SGCD: variants seen among roughly 807,000 people sequenced by gnomAD.
SGCD encodes delta-sarcoglycan.
A neutral mutation model predicts 36.6 loss-of-function variants in SGCD; 18 were observed. The observed-to-expected ratio is 0.49, with a 90% confidence interval of 0.34 to 0.73. The LOEUF is 0.73. Among genes scored for constraint, SGCD ranks in the 30% least tolerant of loss-of-function variants. SGCD has a pLI of 0.01. For synonymous variants in SGCD, 133 were observed against 130.6 expected (o/e 1.02, Z -0.12); for missense variants, 387 against 346.7 (o/e 1.12, Z -0.92).
At chr5:156,715,560 G>A (rs1755182696) in intron 7 of SGCD, among the ~76,000 whole-genome samples, 1 of 152,182 alleles carries the variant, frequency 6.6e-6, no homozygotes, top group African/African-American at 2.4e-5. Context: ...ACTTGGAGCT[G>A]CTATGAGTTT....
intron 4 of SGCD, among the ~76,000 whole-genome samples, chr5:156,562,915 A>G (rs1255753317): frequency 6.6e-6 from 1 of 151,958 alleles, no homozygotes; most frequent in Non-Finnish European, 1.5e-5. Context: ...GGATTATAGT[A>G]ACAATATTTA....
chr5:156,611,179 G>A (rs1325043393), intron 6 of SGCD, among the ~76,000 whole-genome samples: 1 of 152,160 alleles, frequency 6.6e-6, no homozygotes, highest in East Asian at 1.9e-4. Context: ...CAGCCATCTT[G>A]GCTCCTCCCC....
At chr5:156,171,756 A>G (rs1480856727) in intron 3 of SGCD, among the ~76,000 whole-genome samples, 1 of 152,182 alleles carries the variant, frequency 6.6e-6, no homozygotes, top group Non-Finnish European at 1.5e-5. Flanking sequence ...TGGGGATGAT[A>G]CTGAGGGGAA....
chr5:156,319,454 A>T (rs1039541719), intron 3 of SGCD, among the ~76,000 whole-genome samples: 2 of 152,200 alleles, frequency 1.3e-5, no homozygotes, highest in Non-Finnish European at 2.9e-5. Flanking sequence ...TAATAGCCTT[A>T]TCTATTTACA....
chr5:156,151,531 T>C (rs1403966920), intron 3 of SGCD, among the ~76,000 whole-genome samples: 1 of 151,570 alleles, frequency 6.6e-6, no homozygotes, highest in African/African-American at 2.4e-5. Context: ...CAGATGAAAG[T>C]ATCTCCAAAT....
At chr5:156,562,030 T>G (rs1759285147) in intron 4 of SGCD, among the ~76,000 whole-genome samples, 2 of 152,214 alleles carry the variant, frequency 1.3e-5, no homozygotes, top group African/African-American at 4.8e-5. Context: ...TCTTCATATA[T>G]TCTTTTATTA....
At chr5:156,700,259 C>T (rs1329630653) in intron 7 of SGCD, among the ~76,000 whole-genome samples, 3 of 152,188 alleles carry the variant, frequency 2.0e-5, no homozygotes, top group South Asian at 2.1e-4. Flanking sequence ...AACATGTCTT[C>T]GGTCTGTTCT....
chr5:156,376,424 C>T (rs1407986238), intron 3 of SGCD, among the ~76,000 whole-genome samples: 1 of 152,162 alleles, frequency 6.6e-6, no homozygotes, highest in African/African-American at 2.4e-5. Flanking sequence ...GTAGCAGCTT[C>T]AAAATATGAA....
chr5:155,947,885 G>A (rs1009954367), intron 1 of SGCD, among the ~76,000 whole-genome samples: 3 of 152,036 alleles, frequency 2.0e-5, no homozygotes, highest in African/African-American at 7.2e-5. Flanking sequence ...ATGAACTTGC[G>A]TAAGACACAA....
chr5:156,525,005 C>T (rs933280641), intron 4 of SGCD, among the ~76,000 whole-genome samples: 1 of 152,108 alleles, frequency 6.6e-6, no homozygotes, highest in Admixed American at 6.6e-5. Flanking sequence ...CATATCTTGG[C>T]TATTGTGAAT....
intron 3 of SGCD, among the ~76,000 whole-genome samples, chr5:156,242,059 G>C (rs112142702): frequency 6.6e-6 from 1 of 152,128 alleles, no homozygotes; most frequent in East Asian, 1.9e-4. Flanking sequence ...TCCTACTTAC[G>C]AATGTTTATA....
At chr5:155,889,346 T>A (rs1258457502) in intron 1 of SGCD, among the ~76,000 whole-genome samples, 1 of 152,166 alleles carries the variant, frequency 6.6e-6, no homozygotes, top group Non-Finnish European at 1.5e-5. Flanking sequence ...TATGTTTTTT[T>A]AAAAAGGAGA....
At chr5:156,656,862 A>G (rs923620290) in intron 7 of SGCD, among the ~76,000 whole-genome samples, 12 of 152,126 alleles carry the variant, frequency 7.9e-5, no homozygotes, top group African/African-American at 2.7e-4. Flanking sequence ...TACTCCCACT[A>G]TTATGCACTT....
chr5:156,469,878 A>G (rs1754879379), intron 3 of SGCD, among the ~76,000 whole-genome samples: 1 of 152,202 alleles, frequency 6.6e-6, no homozygotes, highest in South Asian at 2.1e-4. Flanking sequence ...GTCAAATAAC[A>G]CATTCAGAGA....
chr5:155,795,419 G>GCAAC, the SGCD span, among the ~76,000 whole-genome samples: 2,362 of 147,230 alleles, frequency 0.016, 59 homozygotes, highest in African/African-American at 0.062. Context: ...AAACATAGTT[G>GCAAC]TATGTTTTAC....
intron 3 of SGCD, among the ~76,000 whole-genome samples, chr5:156,227,387 C>T (rs929881160): frequency 5.3e-5 from 8 of 152,020 alleles, no homozygotes; most frequent in African/African-American, 1.9e-4. Flanking sequence ...TTTTTGTTTG[C>T]TTTGTCGAAG....
intron 3 of SGCD, among the ~76,000 whole-genome samples, chr5:156,214,306 T>C (rs1764521631): frequency 6.6e-6 from 1 of 151,946 alleles, no homozygotes; most frequent in South Asian, 2.1e-4. Flanking sequence ...TTCTGTACAC[T>C]AACAACAAAC....
intron 1 of SGCD, among the ~76,000 whole-genome samples, chr5:156,077,926 A>G (rs998121759): frequency 3.3e-5 from 5 of 152,246 alleles, no homozygotes; most frequent in Admixed American, 2.6e-4. Flanking sequence ...AAGAGCATCT[A>G]CAGGGCAATT....
chr5:156,071,053 T>C (rs904544185), intron 1 of SGCD, among the ~76,000 whole-genome samples: 14 of 152,208 alleles, frequency 9.2e-5, no homozygotes, highest in African/African-American at 3.4e-4. Flanking sequence ...TAGCGGTCTA[T>C]CAATTTTGTT....
Sources: allele counts gnomAD v4.1 joint callset (sites outside exome capture counted in the v4.1 genomes callset), GRCh38; gene constraint gnomAD v4.1.1; transcripts MANE v1.5; gene names NCBI Gene and HGNC (gene_info 2026-07-23, HGNC 2026-07-21).